OPCML: variants seen among roughly 807,000 people sequenced by gnomAD.
The protein encoded by OPCML is opioid binding protein/cell adhesion molecule like.
A neutral mutation model predicts 37.8 loss-of-function variants in OPCML; 13 were observed. The ratio of observed to expected loss-of-function variants is 0.34; its 90% CI spans 0.22 to 0.55. The LOEUF is 0.55. Among genes scored for constraint, OPCML ranks in the 20% least tolerant of loss-of-function variants. OPCML has a pLI of 0.91. For missense variants in OPCML, 341 were observed against 435.6 expected (o/e 0.78, Z 1.93); for synonymous variants, 176 against 168.8 (o/e 1.04, Z -0.33).
intron 2 of OPCML, among the ~76,000 whole-genome samples, chr11:132,770,063 A>C (rs192515295): frequency 6.6e-6 from 1 of 152,292 alleles, no homozygotes; most frequent in Admixed American, 6.5e-5. Flanking sequence ...AAGATCCTTC[A>C]GATTTCATAT....
intron 1 of OPCML, among the ~76,000 whole-genome samples, chr11:133,260,079 CAGCA>C (rs1350158955): frequency 1.3e-5 from 2 of 151,550 alleles, no homozygotes; most frequent in African/African-American, 4.9e-5. Context: ...ATAGGTGGAT[CAGCA>C]ATGACCCCCA....
intron 1 of OPCML, among the ~76,000 whole-genome samples, chr11:133,473,131 CACTT>C (rs1277665504): frequency 1.3e-3 from 198 of 152,284 alleles, no homozygotes; most frequent in African/African-American, 4.6e-3. Context: ...TATAATATCA[CACTT>C]ACTTACCTAG....
At chr11:132,627,125 C>T (rs896871892) in intron 3 of OPCML, among the ~76,000 whole-genome samples, 1 of 151,640 alleles carries the variant, frequency 6.6e-6, no homozygotes, top group Non-Finnish European at 1.5e-5. Flanking sequence ...GAATTGCTTA[C>T]AAAACTTAGG....
intron 1 of OPCML, among the ~76,000 whole-genome samples, chr11:133,510,274 C>G (rs533167529): frequency 6.6e-6 from 1 of 152,310 alleles, no homozygotes; most frequent in East Asian, 1.9e-4. Context: ...CTTTTGTATG[C>G]TACAGAGTAA....
chr11:132,711,262 A>G (rs1944253616), intron 2 of OPCML, among the ~76,000 whole-genome samples: 2 of 152,238 alleles, frequency 1.3e-5, no homozygotes, highest in African/African-American at 4.8e-5. Flanking sequence ...CTCAATTAAT[A>G]TCAGTGATGA....
intron 2 of OPCML, among the ~76,000 whole-genome samples, chr11:132,887,948 G>A (rs955802049): frequency 3.3e-5 from 5 of 152,166 alleles, no homozygotes; most frequent in African/African-American, 1.2e-4. Context: ...GCCAAGGGCT[G>A]GTCTCATGAC....
chr11:133,123,670 C>CATG (rs1949454405), intron 1 of OPCML, among the ~76,000 whole-genome samples: 1 of 151,958 alleles, frequency 6.6e-6, no homozygotes, highest in African/African-American at 2.4e-5. Context: ...TTTAAAAACC[C>CATG]ATGCACCCAA....
At chr11:132,557,965 C>T (rs1037337830) in intron 3 of OPCML, among the ~76,000 whole-genome samples, 3 of 152,060 alleles carry the variant, frequency 2.0e-5, no homozygotes, top group Non-Finnish European at 4.4e-5. Flanking sequence ...TCAGGTGGAA[C>T]AAATGAGACA....
intron 1 of OPCML, among the ~76,000 whole-genome samples, chr11:133,321,062 G>A (rs1212297568): frequency 6.6e-6 from 1 of 152,128 alleles, no homozygotes; most frequent in East Asian, 1.9e-4. Flanking sequence ...CTTCATGTAC[G>A]GATAGGGCAT....
chr11:132,493,284 G>A (rs12277415), intron 4 of OPCML, among the ~76,000 whole-genome samples: 28,395 of 152,036 alleles, frequency 0.19, 2,756 homozygotes, highest in Non-Finnish European at 0.2. Context: ...AGAGGGAAGA[G>A]AAGGGCTCCA....
At chr11:133,133,574 G>A (rs1949637030) in intron 1 of OPCML, among the ~76,000 whole-genome samples, 1 of 152,006 alleles carries the variant, frequency 6.6e-6, no homozygotes, top group Non-Finnish European at 1.5e-5. Flanking sequence ...CTCGGAAAAC[G>A]TGTCCCTTAT....
intron 4 of OPCML, among the ~76,000 whole-genome samples, chr11:132,501,483 A>T (rs1349456507): frequency 2.6e-5 from 4 of 152,144 alleles, no homozygotes; most frequent in Admixed American, 2.0e-4. Flanking sequence ...CCCTTTGGGA[A>T]CTATCATTTG....
At chr11:132,856,065 A>G (rs1308332504) in intron 2 of OPCML, among the ~76,000 whole-genome samples, 3 of 152,286 alleles carry the variant, frequency 2.0e-5, no homozygotes, top group Admixed American at 6.5e-5. Context: ...ACTATAAGAC[A>G]CTCGAATGCC....
chr11:132,835,994 T>A (rs1301717890), intron 2 of OPCML, among the ~76,000 whole-genome samples: 4 of 152,188 alleles, frequency 2.6e-5, no homozygotes, highest in African/African-American at 9.7e-5. Flanking sequence ...AAATGGAAAG[T>A]GGAAGAAATT....
At chr11:132,642,481 C>A (rs535277838) in intron 3 of OPCML, among the ~76,000 whole-genome samples, 1 of 152,254 alleles carries the variant, frequency 6.6e-6, no homozygotes, top group East Asian at 1.9e-4. Context: ...CACAGTTATT[C>A]CATTGTTATC....
At chr11:133,055,301 A>T (rs78314256) in intron 1 of OPCML, among the ~76,000 whole-genome samples, 108 of 100,696 alleles carry the variant, frequency 1.1e-3, no homozygotes, top group Middle Eastern at 9.1e-3. Flanking sequence ...CATACAATGC[A>T]GCCTCCATGA....
At chr11:132,433,176 G>A (rs1183279378) in intron 7 of OPCML, among the ~76,000 whole-genome samples, 6 of 152,208 alleles carry the variant, frequency 3.9e-5, no homozygotes, top group African/African-American at 1.4e-4. Context: ...AGTGACTCTG[G>A]CAGGCATATG....
At chr11:133,438,254 T>C (rs1946286674) in intron 1 of OPCML, among the ~76,000 whole-genome samples, 1 of 152,148 alleles carries the variant, frequency 6.6e-6, no homozygotes. Context: ...GTCGACAGAA[T>C]TGTTAAAATT....
At chr11:133,507,342 C>A in intron 1 of OPCML, among the ~76,000 whole-genome samples, 1 of 152,182 alleles carries the variant, frequency 6.6e-6, no homozygotes, top group East Asian at 1.9e-4. Flanking sequence ...GGGCTGGCTG[C>A]AATCAATCCC....
Sources: gnomAD v4.1 joint callset for allele counts (sites outside exome capture counted in the v4.1 genomes callset) on GRCh38, gnomAD v4.1.1 for gene constraint, MANE v1.5 for transcripts, NCBI Gene and HGNC (gene_info 2026-07-23, HGNC 2026-07-21) for gene names.